Variants in CFTR observed in about 807,000 individuals in gnomAD.
The protein encoded by CFTR is cystic fibrosis transmembrane conductance regulator.
In CFTR, 181 loss-of-function variants were observed where a neutral mutation model predicts 171.6. The ratio of observed to expected loss-of-function variants is 1.05; its 90% CI spans 0.93 to 1.19. The LOEUF (loss-of-function observed/expected upper bound fraction) is 1.19, where lower values mean the gene tolerates loss of function less well. Ranked by LOEUF, CFTR falls within the 50% of genes most tolerant of loss-of-function variation. The probability of loss-of-function intolerance (pLI) is 0.00; values close to 1 mark genes in which losing one functional copy is unlikely to be tolerated. For missense variants in CFTR, 1,968 were observed against 1,734.7 expected, an observed-to-expected ratio of 1.13 and a Z score of -2.39; for synonymous variants, 583 against 608.0, an observed-to-expected ratio of 0.96 and a Z score of 0.60.
At chr7:117,633,995 T>C (rs555794878) in intron 22 of CFTR, among the ~76,000 whole-genome samples, 1 of 152,242 alleles carries the variant, frequency 6.6e-6, no homozygotes, top group African/African-American at 2.4e-5. Flanking sequence ...TTTAAGGTAA[T>C]GCTGGCCTCA....
intron 1 of CFTR, among the ~76,000 whole-genome samples, chr7:117,489,070 A>C (rs1254144862): frequency 2.0e-5 from 3 of 152,092 alleles, no homozygotes; most frequent in Non-Finnish European, 2.9e-5. Context: ...TGAAAAAAAA[A>C]CAGGTAATAT....
chr7:117,509,285 C>G, intron 3 of CFTR, 143 bp downstream of exon 3: 1 of 660,198 alleles, frequency 1.5e-6, no homozygotes, highest in South Asian at 1.7e-5. Context: ...CCACCTAAAA[C>G]TCTAGTAAGG....
intron 6 of CFTR, among the ~76,000 whole-genome samples, chr7:117,536,049 A>G (rs2116677829): frequency 6.6e-6 from 1 of 152,304 alleles, no homozygotes; most frequent in South Asian, 2.1e-4. Flanking sequence ...TGGTTTATGG[A>G]TCATCACACC....
intron 1 of CFTR, among the ~76,000 whole-genome samples, chr7:117,490,193 C>T (rs893405720): frequency 1.3e-5 from 2 of 151,828 alleles, no homozygotes; most frequent in Middle Eastern, 3.2e-3. Flanking sequence ...CAGCTACTCT[C>T]GTCAGTACAA....
chr7:117,589,936 T>C (rs1394147185), intron 12 of CFTR, among the ~76,000 whole-genome samples: 1 of 152,068 alleles, frequency 6.6e-6, no homozygotes, highest in African/African-American at 2.4e-5. Context: ...GTATAATTTT[T>C]GCCATTGTAT....
At chr7:117,542,714 T>G (rs538495836) in intron 9 of CFTR, among the ~76,000 whole-genome samples, 1 of 152,312 alleles carries the variant, frequency 6.6e-6, no homozygotes, top group African/African-American at 2.4e-5. Flanking sequence ...GGCTCTGCCA[T>G]TTACTTTCTG....
At chr7:117,535,218 A>T in intron 5 of CFTR, 30 bp from the exon 6 acceptor site, 1 of 1,612,900 alleles carries the variant, frequency 6.2e-7, no homozygotes, top group East Asian at 2.2e-5. Flanking sequence ...ATACAATGAC[A>T]CCTGTTTTTG....
In CFTR at chr7:117,509,042, A is replaced by T. The variant is rs397508291; in HGVS notation, c.173A>T (p.Asp58Val). Residue 58 changes from aspartate (D) to valine (V), a missense_variant, in exon 3 of 27, where the codon GAT becomes GTT. Coordinates refer to ENST00000003084, the MANE Select transcript of CFTR (RefSeq NM_000492.4). The stretch of plus-strand genomic sequence containing the variant: ...TTTTTATTCTTTTGCAGAGAATGGG[A>T]TAGAGAGCTGGCTTCAAAGAAAAAT... ...NLSEKLEREW[D>V]RELASKKNPK... 6.2e-7 allele frequency: 1 copy of T among 1,605,164 alleles called. No individual in the cohort carries two copies. Among genetic ancestry groups the T allele is most frequent in the Non-Finnish European group, 8.5e-7 (1 of 1,172,242 alleles).
intron 1 of CFTR, among the ~76,000 whole-genome samples, chr7:117,501,772 G>A (rs199689242): frequency 0.12 from 8,536 of 68,664 alleles, no homozygotes; most frequent in Middle Eastern, 0.21. Context: ...AAAAAAAAAA[G>A]AAACAAAAAA....
chr7:117,611,084 C>A (rs1792378028), intron 19 of CFTR, among the ~76,000 whole-genome samples: 1 of 152,106 alleles, frequency 6.6e-6, no homozygotes, highest in Admixed American at 6.6e-5. Flanking sequence ...GTTGGAGCTG[C>A]CATTTCGTGT....
At chr7:117,523,876 T>G (rs1798726628) in intron 3 of CFTR, among the ~76,000 whole-genome samples, 1 of 152,222 alleles carries the variant, frequency 6.6e-6, no homozygotes, top group African/African-American at 2.4e-5. Flanking sequence ...TAAAAAAATC[T>G]TATACAAGTC....
At chr7:117,482,871 G>C (rs563778306) in intron 1 of CFTR, among the ~76,000 whole-genome samples, 1 of 152,204 alleles carries the variant, frequency 6.6e-6, no homozygotes, top group South Asian at 2.1e-4. Context: ...AATTTTCGTC[G>C]TGATATCTGT....
intron 23 of CFTR, among the ~76,000 whole-genome samples, chr7:117,651,257 G>A (rs1793085620): frequency 2.6e-5 from 4 of 152,034 alleles, no homozygotes. Flanking sequence ...TCTCAATAAT[G>A]CTAGAAACCT....
intron 2 of CFTR, among the ~76,000 whole-genome samples, chr7:117,505,512 T>C (rs944075572): frequency 1.3e-5 from 2 of 152,156 alleles, no homozygotes; most frequent in Non-Finnish European, 2.9e-5. Flanking sequence ...GGACCAGCTT[T>C]CTACATAAAG....
At chr7:117,627,462 A>G in intron 21 of CFTR, 60 bp from the exon 22 acceptor site, 1 of 1,581,424 alleles carries the variant, frequency 6.3e-7, no homozygotes. Context: ...GGAAGCATCA[A>G]ACTAATTGTG....
At chr7:117,574,029 A>G (rs867957062) in intron 11 of CFTR, among the ~76,000 whole-genome samples, 18 of 152,078 alleles carry the variant, frequency 1.2e-4, no homozygotes, top group African/African-American at 3.9e-4. Flanking sequence ...AAAAATTATG[A>G]TAGCATCAAG....
At chr7:117,547,778 C>T (rs1335050446) in intron 9 of CFTR, among the ~76,000 whole-genome samples, 1 of 152,112 alleles carries the variant, frequency 6.6e-6, no homozygotes, top group Non-Finnish European at 1.5e-5. Flanking sequence ...GAGACTAGTA[C>T]TATACTCCCT....
In CFTR at chr7:117,602,931, A is replaced by G. The variant is rs1250996397; in HGVS notation, c.2657+68A>G. 3.9e-6 allele frequency: 5 copies of G among 1,276,350 alleles called. No homozygotes were observed. The African/African-American group carries it at 7.3e-5, about 19-fold the overall frequency. The allele number at this position is 1,276,350 out of a possible 1,614,324, so 79.1% of individuals were successfully genotyped here. ...TGTTGATTAAATATTGTAATCCACTATGTTTGTATGTATTGTAATCCACTT... is the reference window on the plus strand; with the variant it reads ...TGTTGATTAAATATTGTAATCCACTGTGTTTGTATGTATTGTAATCCACTT... On this transcript the variant is annotated intron_variant, in intron 16 of 26. Transcript: ENST00000003084.
At chr7:117,480,700 G>A (rs1427059773) in intron 1 of CFTR, among the ~76,000 whole-genome samples, 1 of 152,050 alleles carries the variant, frequency 6.6e-6, no homozygotes, top group Non-Finnish European at 1.5e-5. Flanking sequence ...AAAATTGAAA[G>A]CAAATTTGTT....
Sources: allele counts gnomAD v4.1 joint callset (sites outside exome capture counted in the v4.1 genomes callset), GRCh38; gene constraint gnomAD v4.1.1; transcripts MANE v1.5; gene names NCBI Gene and HGNC (gene_info 2026-07-23, HGNC 2026-07-21).